Variants in BRK1 observed in about 807,000 individuals in gnomAD.
The protein encoded by BRK1 is protein BRICK1.
In BRK1, 6 loss-of-function variants were observed where a neutral mutation model predicts 9.9. The ratio of observed to expected loss-of-function variants is 0.60; its 90% CI spans 0.33 to 1.19. The LOEUF is 1.19. Ranked by LOEUF, BRK1 falls within the 50% of genes most tolerant of loss-of-function variation. The probability of loss-of-function intolerance (pLI) is 0.04; values close to 1 mark genes in which losing one functional copy is unlikely to be tolerated. For synonymous variants in BRK1, 44 were observed against 31.9 expected (o/e 1.38, Z -1.28); for missense variants, 62 against 97.5 (o/e 0.64, Z 1.53).
intron 1 of BRK1, among the ~76,000 whole-genome samples, chr3:10,121,140 A>G (rs1461626349): frequency 1.3e-5 from 2 of 152,204 alleles, no homozygotes; most frequent in African/African-American, 2.4e-5. Context: ...TGGCAAATCC[A>G]TAGAGACAAA....
At position 10,123,836 on chromosome 3, in the gene BRK1, A is replaced by T. The variant is rs1204834191; in HGVS notation, c.119-1790A>T. Among the ~76,000 whole-genome samples, 5 of 144,824 alleles carry T rather than the reference A, an allele frequency of 3.5e-5. No individual in the cohort carries two copies. The Admixed American group carries it at 3.5e-4, about 10-fold the overall frequency. Reference sequence around the variant, plus strand: ...CTGCAACCTCCGCCTCCCAGGTTCAAGTGATTCTCCTGCCTCAGCCTCCCG... The same window carrying T: ...CTGCAACCTCCGCCTCCCAGGTTCATGTGATTCTCCTGCCTCAGCCTCCCG... On this transcript the variant is annotated intron_variant, in intron 1 of 2. Coordinates refer to ENST00000530758, the MANE Select transcript of BRK1 (RefSeq NM_018462.5).
In BRK1 at chr3:10,117,143, G is replaced by A. The variant is rs149906299; in HGVS notation, c.118+1324G>A. 3.1e-3 allele frequency among the ~76,000 whole-genome samples: 473 copies of A among 152,204 alleles called. 4 individuals carry two copies. Among genetic ancestry groups the A allele is most frequent in the African/African-American group, 0.011 (450 of 41,526 alleles). On this transcript the variant is annotated intron_variant, in intron 1 of 2. Transcript: ENST00000530758. ...TGCACACCTGTTGTCCCAGCTACTC[G>A]GGAGGCTGAGACAGGAGGATCACTT...
At chr3:10,121,181 C>G (rs949234012) in intron 1 of BRK1, among the ~76,000 whole-genome samples, 1 of 152,060 alleles carries the variant, frequency 6.6e-6, no homozygotes. Flanking sequence ...TGAGGGGTGA[C>G]AGAATGGGGA....
chr3:10,126,327 T>C lies in BRK1; in HGVS notation c.*32T>C. On this transcript the variant is annotated 3_prime_UTR_variant, in exon 3 of 3. Coordinates refer to ENST00000530758, the MANE Select transcript of BRK1 (RefSeq NM_018462.5). ...GCCGTGCTGCTGCTGGGAAGTTGCT[T>C]TACACAACACAGGCCACATGGGAAA... 1 of 1,567,208 alleles carries C rather than the reference T, an allele frequency of 6.4e-7. No individual in the cohort carries two copies. The highest frequency in any genetic ancestry group is 8.7e-7 in the Non-Finnish European group (1 of 1,155,344).
intron 1 of BRK1, among the ~76,000 whole-genome samples, chr3:10,119,702 A>G (rs1695731944): frequency 6.6e-6 from 1 of 152,224 alleles, no homozygotes; most frequent in Non-Finnish European, 1.5e-5. Flanking sequence ...CAAAAATATC[A>G]TAACACTAGG....
rs560817117 is a variant in BRK1, at chr3:10,120,311, C to T, written c.118+4492C>T. Among the ~76,000 whole-genome samples, 217 of 152,228 alleles carry T rather than the reference C, an allele frequency of 1.4e-3. 1 individual carries two copies. Among genetic ancestry groups the T allele is most frequent in the Non-Finnish European group, 2.3e-3 (155 of 68,028 alleles). ...TTGGGTTCAACTGATTCTCCTGCCT[C>T]AGCCTCCCAAATAGCTGGGATTACA... On this transcript the variant is annotated intron_variant, in intron 1 of 2. Transcript: ENST00000530758.
At chr3:10,116,783 C>G (rs1695692370) in intron 1 of BRK1, among the ~76,000 whole-genome samples, 1 of 152,122 alleles carries the variant, frequency 6.6e-6, no homozygotes, top group South Asian at 2.1e-4. Context: ...GCGAGAGATG[C>G]TAGAGCTCCA....
At chr3:10,116,295 A>G (rs764934354) in intron 1 of BRK1, among the ~76,000 whole-genome samples, 23 of 151,950 alleles carry the variant, frequency 1.5e-4, no homozygotes, top group Admixed American at 2.6e-4. Context: ...ACCCGTTGTC[A>G]ACCACTCCCG....
chr3:10,124,375 G>C (rs563407192), intron 1 of BRK1, among the ~76,000 whole-genome samples: 1 of 151,640 alleles, frequency 6.6e-6, no homozygotes, highest in Non-Finnish European at 1.5e-5. Context: ...CAGGAGAATC[G>C]CTTGAACCCG....
chr3:10,126,192 G>A, intron 2 of BRK1, 77 bp from the exon 3 acceptor site: 1 of 1,046,588 alleles, frequency 9.6e-7, no homozygotes, highest in Non-Finnish European at 1.3e-6. Context: ...TCACTGCCTA[G>A]GATCTAAAGA....
intron 1 of BRK1, among the ~76,000 whole-genome samples, chr3:10,124,026 C>T (rs1195917845): frequency 7.9e-5 from 12 of 152,080 alleles, no homozygotes; most frequent in East Asian, 1.9e-4. Flanking sequence ...TGAGCCATCA[C>T]GCCCAGCCTC....
In BRK1 at chr3:10,122,109, G is replaced by A. The variant is rs192137741; in HGVS notation, c.119-3517G>A. Among the ~76,000 whole-genome samples the A allele has an allele frequency of 0.16, 24,387 of 149,600 alleles. 2,496 individuals carry two copies. The highest frequency in any genetic ancestry group is 0.29 in the African/African-American group (11,793 of 40,582). ...TCTTTTTTTTTTGTATTTTTAGTAG[G>A]TATGGGGTTTCTCCATGTTGGTCAG... On this transcript the variant is annotated intron_variant, in intron 1 of 2. Transcript: ENST00000530758.
intron 1 of BRK1, among the ~76,000 whole-genome samples, chr3:10,120,103 C>A (rs945699105): frequency 6.6e-6 from 1 of 151,942 alleles, no homozygotes; most frequent in Non-Finnish European, 1.5e-5. Context: ...AATCTCGGCT[C>A]ACTGCAACCT....
intron 1 of BRK1, among the ~76,000 whole-genome samples, chr3:10,120,720 C>A (rs1267745953): frequency 1.3e-5 from 2 of 152,112 alleles, no homozygotes; most frequent in African/African-American, 4.8e-5. Flanking sequence ...GAAATATGAC[C>A]AAGGTTTCTG....
At position 10,126,453 on chromosome 3, in the gene BRK1, T is replaced by A; in HGVS notation, c.*158T>A. The stretch of plus-strand genomic sequence containing the variant: ...AGTGTGGCCTTTGGGCTCTGCCATC[T>A]GGGGTGTGGTGTGGTATGTGGGAAG... On this transcript the variant is annotated 3_prime_UTR_variant, in exon 3 of 3. Transcript: ENST00000530758. 1 of 619,346 alleles carries A rather than the reference T, an allele frequency of 1.6e-6. No individual in the cohort carries two copies. The highest frequency in any genetic ancestry group is 2.7e-6 in the Non-Finnish European group (1 of 365,128). 38.4% of individuals were successfully genotyped at this position (619,346 alleles called of 1,614,324 possible).
At chr3:10,117,689 G>T (rs1455056345) in intron 1 of BRK1, among the ~76,000 whole-genome samples, 5 of 151,952 alleles carry the variant, frequency 3.3e-5, no homozygotes, top group African/African-American at 1.2e-4. Flanking sequence ...GAGCCACTGT[G>T]CCCTGCCCCC....
chr3:10,118,669 G>A (rs1053892356), intron 1 of BRK1, among the ~76,000 whole-genome samples: 2 of 152,120 alleles, frequency 1.3e-5, no homozygotes, highest in Admixed American at 6.6e-5. Flanking sequence ...TGTATTTTTA[G>A]TAGAGACAGG....
At position 10,124,948 on chromosome 3, in the gene BRK1, A is replaced by C. The variant is rs66514627; in HGVS notation, c.119-678A>C. The stretch of plus-strand genomic sequence containing the variant: ...CCATTTCATCTCTGACCCCCTTCCT[A>C]TGCCTTTCTCACCTACATTTGTGGA... On this transcript the variant is annotated intron_variant, in intron 1 of 2. Transcript: ENST00000530758. Among the ~76,000 whole-genome samples the C allele has an allele frequency of 0.16, 24,864 of 152,000 alleles. 2,575 individuals are homozygous for C. The highest frequency in any genetic ancestry group is 0.29 in the African/African-American group (12,070 of 41,442).
intron 1 of BRK1, among the ~76,000 whole-genome samples, chr3:10,120,519 T>G (rs941859364): frequency 4.6e-5 from 7 of 152,208 alleles, no homozygotes; most frequent in Non-Finnish European, 7.3e-5. Context: ...TTTGTAATGC[T>G]GAAGTTATAT....
Sources: allele counts gnomAD v4.1 joint callset (sites outside exome capture counted in the v4.1 genomes callset), GRCh38; gene constraint gnomAD v4.1.1; transcripts MANE v1.5; gene names NCBI Gene and HGNC (gene_info 2026-07-23, HGNC 2026-07-21).